Variants in GPATCH8 observed in about 807,000 individuals in gnomAD.
GPATCH8 encodes G-patch domain containing 8, also known as G patch domain-containing protein 8.
Under a neutral mutation model 118.3 loss-of-function variants are expected in GPATCH8, and 18 were observed. The observed-to-expected ratio is 0.15, with a 90% confidence interval of 0.11 to 0.23. The LOEUF (loss-of-function observed/expected upper bound fraction) is 0.23. Among genes scored for constraint, GPATCH8 ranks in the 10% least tolerant of loss-of-function variants. The pLI, the probability that GPATCH8 is intolerant of heterozygous loss-of-function variation, is 1.00. For missense variants in GPATCH8, 1,631 were observed against 1,873.8 expected, an observed-to-expected ratio of 0.87 and a Z score of 2.39; for synonymous variants, 659 against 684.7, an observed-to-expected ratio of 0.96 and a Z score of 0.59.
At position 44,398,387 on chromosome 17, in the gene GPATCH8, A is replaced by G. The variant is rs566521603; in HGVS notation, c.3690T>C (p.Ser1230=). 1 of 1,614,068 alleles carries G rather than the reference A, an allele frequency of 6.2e-7. No individual in the cohort carries two copies. Among genetic ancestry groups the G allele is most frequent in the South Asian group, 1.1e-5 (1 of 91,086 alleles). Reference sequence around the variant, plus strand: ...TGGTTGGGTCCCCAGGGTAGCAGTCAGAATGTGCTGGGGTGCCTAGTGGAG... The same window carrying G: ...TGGTTGGGTCCCCAGGGTAGCAGTCGGAATGTGCTGGGGTGCCTAGTGGAG... ...PVAPLGTPAH[S]DCYPGDPTIS... is the part of the protein sequence containing the mutation. Residue 1230 remains serine (S), a synonymous_variant, in exon 8 of 8, where the codon TCT becomes TCC. Coordinates refer to ENST00000591680, the MANE Select transcript of GPATCH8 (RefSeq NM_001002909.4).
At chr17:44,426,623 AAG>A (rs1491016739) in intron 5 of GPATCH8, among the ~76,000 whole-genome samples, 4 of 151,516 alleles carry the variant, frequency 2.6e-5, no homozygotes, top group African/African-American at 4.8e-5. Context: ...AAAAAAAAAA[AAG>A]GCTATCAGCA....
chr17:44,435,496 C>G (rs1309559394), intron 4 of GPATCH8, among the ~76,000 whole-genome samples: 1 of 143,298 alleles, frequency 7.0e-6, no homozygotes, highest in Non-Finnish European at 1.5e-5. Context: ...TCACTGCAAC[C>G]TCTGCCTCCC....
At chr17:44,444,208 A>C (rs2050793775) in intron 3 of GPATCH8, among the ~76,000 whole-genome samples, 1 of 151,770 alleles carries the variant, frequency 6.6e-6, no homozygotes, top group African/African-American at 2.4e-5. Flanking sequence ...GATATCCTCA[A>C]GCCCTTAGAA....
At chr17:44,406,179 T>C (rs1034576869) in intron 6 of GPATCH8, 128 bp from the exon 7 acceptor site, 15 of 729,698 alleles carry the variant, frequency 2.1e-5, no homozygotes, top group Non-Finnish European at 3.5e-5. Flanking sequence ...CATTATCATA[T>C]TCTCTTATGG....
rs370151607 is a variant in GPATCH8, at chr17:44,432,190, G to A, written c.348+2875C>T. The stretch of plus-strand genomic sequence containing the variant: ...GAAGGTCTTTGATAAGACAGGGAGA[G>A]TTAGGATCCAGAATTCAGATGTATG... On this transcript the variant is annotated intron_variant, in intron 5 of 7. Coordinates refer to ENST00000591680, the MANE Select transcript of GPATCH8 (RefSeq NM_001002909.4). 3.3e-5 allele frequency among the ~76,000 whole-genome samples: 5 copies of A among 152,110 alleles called. No individual in the cohort carries two copies. The East Asian group carries it at 9.6e-4, about 29-fold the overall frequency.
At chr17:44,422,327 G>C (rs1239995837) in intron 6 of GPATCH8, among the ~76,000 whole-genome samples, 1 of 151,906 alleles carries the variant, frequency 6.6e-6, no homozygotes, top group East Asian at 1.9e-4. Context: ...GATTACACAT[G>C]TGCCACCACA....
chr17:44,412,567 A>G (rs967519187), intron 6 of GPATCH8, among the ~76,000 whole-genome samples: 36 of 151,908 alleles, frequency 2.4e-4, no homozygotes, highest in Non-Finnish European at 4.6e-4. Context: ...TATTTTTAGT[A>G]GAGACAGGGT....
At chr17:44,481,984 T>C (rs966020644) in intron 1 of GPATCH8, among the ~76,000 whole-genome samples, 8 of 151,856 alleles carry the variant, frequency 5.3e-5, no homozygotes, top group African/African-American at 1.9e-4. Flanking sequence ...TAGCCGGGTG[T>C]GGTAGTACAC....
At chr17:44,436,219 G>C (rs1333610202) in intron 4 of GPATCH8, among the ~76,000 whole-genome samples, 1 of 152,066 alleles carries the variant, frequency 6.6e-6, no homozygotes, top group African/African-American at 2.4e-5. Context: ...ATCTAAGTCT[G>C]ATATTGCCTT....
In GPATCH8 at chr17:44,435,128, G is replaced by T. The variant is rs374539559; in HGVS notation, c.285C>A (p.Thr95=). The change falls in exon 5 of 8, where the codon ACC becomes ACA. Residue 95 remains threonine (T), a synonymous_variant. Coordinates refer to ENST00000591680, the MANE Select transcript of GPATCH8 (RefSeq NM_001002909.4). ...CTACTTCTAGGACACGGCGCCGTTC[G>T]GTAGCATCTTCAGCATAATCAAGCT... ...EMELDYAEDA[T]ERRRVLEVEK... is the part of the protein sequence containing the mutation. 3 of 1,502,522 alleles carry T rather than the reference G, an allele frequency of 2.0e-6. No homozygotes were observed. The highest frequency in any genetic ancestry group is 1.1e-5 in the South Asian group (1 of 88,776). 93.1% of individuals were successfully genotyped at this position (1,502,522 alleles called of 1,614,324 possible). A position where few individuals can be genotyped will look rare whatever the true frequency, so the allele number is the denominator to read the frequency against.
intron 6 of GPATCH8, among the ~76,000 whole-genome samples, chr17:44,415,816 G>C (rs1012092374): frequency 6.6e-6 from 1 of 152,224 alleles, no homozygotes; most frequent in African/African-American, 2.4e-5. Flanking sequence ...TGAAACTGTA[G>C]AACAAAAGTA....
At chr17:44,452,766 T>C (rs1444940539) in intron 3 of GPATCH8, among the ~76,000 whole-genome samples, 1 of 152,178 alleles carries the variant, frequency 6.6e-6, no homozygotes, top group African/African-American at 2.4e-5. Context: ...CATTAAAACA[T>C]TTTGGAACCC....
At chr17:44,444,884 G>A (rs999264210) in intron 3 of GPATCH8, among the ~76,000 whole-genome samples, 2 of 152,190 alleles carry the variant, frequency 1.3e-5, no homozygotes, top group Non-Finnish European at 2.9e-5. Flanking sequence ...AAAAGCATTT[G>A]TTGACTCAGA....
At chr17:44,403,716 G>A (rs71371997) in intron 7 of GPATCH8, among the ~76,000 whole-genome samples, 2,751 of 150,338 alleles carry the variant, frequency 0.018, 93 homozygotes, top group African/African-American at 0.064. Context: ...CTCCCAAGCT[G>A]GAGTTTTGCT....
At chr17:44,465,526 G>A (rs918329562) in intron 2 of GPATCH8, 3 of 152,120 alleles carry the variant, frequency 2.0e-5, no homozygotes, top group African/African-American at 7.2e-5. Flanking sequence ...CCAAGACAAG[G>A]CTAAAATAAG....
At chr17:44,490,042 C>T (rs544115555) in intron 1 of GPATCH8, among the ~76,000 whole-genome samples, 28 of 152,226 alleles carry the variant, frequency 1.8e-4, no homozygotes, top group African/African-American at 6.5e-4. Flanking sequence ...GTGGCTCACA[C>T]CTATAATCCC....
intron 1 of GPATCH8, among the ~76,000 whole-genome samples, chr17:44,488,662 C>T (rs1198008091): frequency 1.3e-5 from 2 of 151,746 alleles, no homozygotes; most frequent in East Asian, 3.9e-4. Flanking sequence ...TGAGCCACCA[C>T]ACATGGCCCA....
At chr17:44,418,456 C>CT (rs56885612) in intron 6 of GPATCH8, among the ~76,000 whole-genome samples, 7,178 of 139,742 alleles carry the variant, frequency 0.051, 218 homozygotes, top group Middle Eastern at 0.065. Context: ...GTGCTAATGT[C>CT]TTTTTTTTTT....
chr17:44,476,487 G>A (rs958617027), intron 1 of GPATCH8, among the ~76,000 whole-genome samples: 1 of 152,184 alleles, frequency 6.6e-6, no homozygotes. Flanking sequence ...TTACAGGCGT[G>A]AGCCACCGCA....
Sources: allele counts gnomAD v4.1 joint callset (sites outside exome capture counted in the v4.1 genomes callset), GRCh38; gene constraint gnomAD v4.1.1; transcripts MANE v1.5; gene names NCBI Gene and HGNC (gene_info 2026-07-23, HGNC 2026-07-21).